C1orf53: variants seen among roughly 807,000 people sequenced by gnomAD.
C1orf53 encodes uncharacterized protein C1orf53.
A neutral mutation model predicts 17.5 loss-of-function variants in C1orf53; 23 were observed. The ratio of observed to expected loss-of-function variants is 1.31; its 90% CI spans 0.94 to 1.86. C1orf53 has a LOEUF of 1.86. Ranked by LOEUF, C1orf53 falls within the 40% of genes most tolerant of loss-of-function variation. The pLI is 0.00. For synonymous variants in C1orf53, 108 were observed against 81.9 expected (o/e 1.32, Z -1.72); for missense variants, 255 against 193.2 (o/e 1.32, Z -1.89).
intron 2 of C1orf53, among the ~76,000 whole-genome samples, chr1:197,906,899 T>C (rs79754659): frequency 1.3e-3 from 199 of 152,328 alleles, no homozygotes; most frequent in African/African-American, 4.4e-3. Context: ...ATTTGAGGAT[T>C]TTCTAAAAGT....
rs1659442877 is a variant in C1orf53 at position 197,902,698 on chromosome 1, C to CA, written c.51dup (p.Pro18ThrfsTer28). 5 of 1,516,878 alleles carry CA rather than the reference C, an allele frequency of 3.3e-6. No homozygotes were observed. In the East Asian group the frequency reaches 1.4e-4, roughly 41 times the overall value. The allele number at this position is 1,516,878 out of a possible 1,614,324, so 94.0% of individuals were successfully genotyped here. A position where few individuals can be genotyped will look rare whatever the true frequency, so the allele number is the denominator to read the frequency against. Reference sequence around the variant, plus strand: ...ACGGACGGGTGCCGCGCTCTGCAGGCAACCTTCCGCCGCCCCGCCGCCAGC... The same window carrying CA: ...ACGGACGGGTGCCGCGCTCTGCAGGCAAACCTTCCGCCGCCCCGCCGCCAGC... On this transcript the variant is annotated frameshift_variant, in exon 1 of 3. Coordinates refer to ENST00000367393, the MANE Select transcript of C1orf53 (RefSeq NM_001024594.3). LOFTEE classifies it high-confidence loss of function.
chr1:197,902,703 T>G lies in C1orf53; in HGVS notation c.54T>G (p.Pro18=). The G allele has an allele frequency of 6.6e-7, 1 of 1,521,580 alleles. No individual in the cohort carries two copies. The highest frequency in any genetic ancestry group is 8.8e-7 in the Non-Finnish European group (1 of 1,142,072). 94.3% of individuals were successfully genotyped at this position (1,521,580 alleles called of 1,614,324 possible). A position where few individuals can be genotyped will look rare whatever the true frequency, so the allele number is the denominator to read the frequency against. Residue 18 remains proline, a synonymous_variant, in exon 1 of 3, where the codon CCT becomes CCG. Coordinates refer to ENST00000367393, the MANE Select transcript of C1orf53 (RefSeq NM_001024594.3). ...CGGGTGCCGCGCTCTGCAGGCAACC[T>G]TCCGCCGCCCCGCCGCCAGCACCTC... ...ARTGAALCRQ[P]SAAPPPAPLW...
At chr1:197,903,221 G>T (rs979774113) in intron 1 of C1orf53, among the ~76,000 whole-genome samples, 10 of 152,306 alleles carry the variant, frequency 6.6e-5, no homozygotes, top group Non-Finnish European at 1.2e-4. Flanking sequence ...TGTGTGTTGC[G>T]GAAGGGGGTG....
Position 197,907,276 on chromosome 1 carries a change from C to A in C1orf53, c.*56C>A. 1.0e-6 allele frequency: 1 copy of A among 994,588 alleles called. No individual in the cohort carries two copies. The highest frequency in any genetic ancestry group is 1.5e-6 in the Non-Finnish European group (1 of 653,332). 61.6% of individuals were successfully genotyped at this position (994,588 alleles called of 1,614,324 possible). Reference sequence around the variant, plus strand: ...CTTGTATTTTTTAAAAAATAAAGCCCCAATTCAGAATTGCTGGATTATTAG... The same window carrying A: ...CTTGTATTTTTTAAAAAATAAAGCCACAATTCAGAATTGCTGGATTATTAG... On this transcript the variant is annotated 3_prime_UTR_variant, in exon 3 of 3. Transcript: ENST00000367393.
chr1:197,906,331 T>C (rs1659523281), intron 2 of C1orf53, among the ~76,000 whole-genome samples: 1 of 152,038 alleles, frequency 6.6e-6, no homozygotes. Context: ...TTTTTTCTTT[T>C]CTTCTTTCCT....
At chr1:197,905,923 C>G in intron 2 of C1orf53, 26 bp downstream of exon 2, 1 of 1,526,844 alleles carries the variant, frequency 6.5e-7, no homozygotes, top group South Asian at 1.1e-5. Flanking sequence ...TGCATTACAG[C>G]AGCAGTTTGC....
chr1:197,903,643 C>T (rs1005895321), intron 1 of C1orf53, among the ~76,000 whole-genome samples: 1 of 152,108 alleles, frequency 6.6e-6, no homozygotes, highest in Non-Finnish European at 1.5e-5. Context: ...GAAATGAACC[C>T]ATTTAATAAG....
chr1:197,907,053 A>C (rs1282748194), intron 2 of C1orf53, 96 bp from the exon 3 acceptor site: 1 of 734,344 alleles, frequency 1.4e-6, no homozygotes, highest in Non-Finnish European at 2.2e-6. Flanking sequence ...ATCTATATAA[A>C]ATTGTTAACA....
At chr1:197,906,469 A>G (rs1438773017) in intron 2 of C1orf53, among the ~76,000 whole-genome samples, 3 of 150,898 alleles carry the variant, frequency 2.0e-5, no homozygotes, top group East Asian at 2.0e-4. Flanking sequence ...TGTGTTTGAA[A>G]TAACTGTGAA....
At position 197,907,170 on chromosome 1, in the gene C1orf53, G is replaced by A. The variant is rs1659533290; in HGVS notation, c.388G>A (p.Val130Ile). The A allele has an allele frequency of 6.3e-7, 1 of 1,577,988 alleles. No individual in the cohort carries two copies. The highest frequency in any genetic ancestry group is 1.2e-5 in the South Asian group (1 of 86,892). The change falls in exon 3 of 3, where the codon GTT (valine) becomes ATT (isoleucine). Residue 130 changes from valine (V) to isoleucine (I), a missense_variant. By Grantham distance (29) the Val-to-Ile change is conservative (BLOSUM62 3). Transcript: ENST00000367393. ...GCAGTGTCCATATGGTCAAGTCAAT[G>A]TTAAAGATCCATCTAAAAAGAAGCA... ...CRHCPYGQVNVKDPSKKKQFN... is the reference protein window; with the variant it reads ...CRHCPYGQVNIKDPSKKKQFN...
chr1:197,907,088 T>A (rs532005218), intron 2 of C1orf53, 61 bp from the exon 3 acceptor site: 40 of 1,000,236 alleles, frequency 4.0e-5, no homozygotes, highest in Non-Finnish European at 5.9e-5. Flanking sequence ...CCATGAGAAG[T>A]GTGCTTTTTC....
rs528586633 is a variant in C1orf53, at chr1:197,902,748, C to T, written c.99C>T (p.Phe33=). The T allele has an allele frequency of 1.7e-5, 26 of 1,571,654 alleles. No individual in the cohort carries two copies. The Admixed American group carries it at 2.7e-4, about 16-fold the overall frequency. Residue 33 remains phenylalanine (F), a synonymous_variant, in exon 1 of 3, where the codon TTC becomes TTT. Transcript: ENST00000367393. ...PPAPLWVRAG[F]RQQLSLTLCP... is the part of the protein sequence containing the mutation. ...CACCTCTCTGGGTAAGAGCTGGGTT[C>T]CGACAGCAGCTCAGCTTAACCCTCT... is the stretch of plus-strand genomic sequence containing the variant.
chr1:197,905,601 C>T (rs1288788692), intron 1 of C1orf53, 195 bp from the exon 2 acceptor site: 3 of 525,978 alleles, frequency 5.7e-6, no homozygotes, highest in East Asian at 3.2e-5. Flanking sequence ...ATATTTTCTC[C>T]TTATGTCACA....
chr1:197,903,067 G>A (rs1412811850), intron 1 of C1orf53, among the ~76,000 whole-genome samples, 154 bp downstream of exon 1: 1 of 152,232 alleles, frequency 6.6e-6, no homozygotes, highest in East Asian at 1.9e-4. Flanking sequence ...ATTCGCGCAC[G>A]CACACGAACT....
chr1:197,906,773 C>T (rs1436665234), intron 2 of C1orf53, among the ~76,000 whole-genome samples: 1 of 152,214 alleles, frequency 6.6e-6, no homozygotes, highest in Non-Finnish European at 1.5e-5. Context: ...AGAATAGACA[C>T]TAAATGCATG....
chr1:197,902,912 C>T lies in C1orf53; in HGVS notation c.263C>T (p.Ala88Val), dbSNP rs1489837438. The T allele has an allele frequency of 6.9e-6, 10 of 1,458,088 alleles. No homozygotes were observed. Among genetic ancestry groups the T allele is most frequent in the African/African-American group, 1.5e-5 (1 of 68,048 alleles). The allele number at this position is 1,458,088 out of a possible 1,614,324, so 90.3% of individuals were successfully genotyped here. The change falls in exon 1 of 3, where the codon GCG becomes GTG. Residue 88 changes from alanine (A) to valine (V), a missense_variant and splice_region_variant. Transcript: ENST00000367393. ...GCGGAGCTGCACGCTGCCGCCTGCG[C>T]GGTGAGACTCCCTCCTGCCCGCCCC... ...QIAELHAAACAAGQLNYVDPA... is the reference protein window; with the variant it reads ...QIAELHAAACVAGQLNYVDPA...
intron 1 of C1orf53, 93 bp from the exon 2 acceptor site, chr1:197,905,703 A>G: frequency 1.1e-6 from 1 of 900,202 alleles, no homozygotes; most frequent in Non-Finnish European, 1.8e-6. Context: ...TATTGTTTAA[A>G]ATTTTTCTGC....
At chr1:197,906,718 G>T (rs1032922222) in intron 2 of C1orf53, among the ~76,000 whole-genome samples, 3 of 152,130 alleles carry the variant, frequency 2.0e-5, no homozygotes, top group Non-Finnish European at 4.4e-5. Context: ...GTATGTTTTG[G>T]TGCAAGAAGG....
Position 197,904,519 on chromosome 1 carries a change from C to G in C1orf53, c.265-1277C>G, listed in dbSNP as rs1484923614. 4.6e-5 allele frequency among the ~76,000 whole-genome samples: 7 copies of G among 152,222 alleles called. No homozygotes were observed. The East Asian group carries it at 1.4e-3, about 29-fold the overall frequency. On this transcript the variant is annotated intron_variant, in intron 1 of 2. Coordinates refer to ENST00000367393, the MANE Select transcript of C1orf53 (RefSeq NM_001024594.3). ...TCCTAGTGTTTTTTTGTTTTTCTTC[C>G]AAGTCTCCAAACACGAGCTTCGTAA...
Sources: allele counts gnomAD v4.1 joint callset (sites outside exome capture counted in the v4.1 genomes callset), GRCh38; gene constraint gnomAD v4.1.1; transcripts MANE v1.5; gene names NCBI Gene and HGNC (gene_info 2026-07-23, HGNC 2026-07-21).